The following GSDME variants were observed in gnomAD, a reference collection of about 807,000 sequenced individuals.
The protein encoded by GSDME is gasdermin E.
A neutral mutation model predicts 47.5 loss-of-function variants in GSDME; 44 were observed. That is an observed-to-expected ratio of 0.93 (90% confidence interval 0.73 to 1.19). GSDME has a LOEUF of 1.19. GSDME is among the 50% of genes most tolerant of loss of function. The pLI is 0.00. For missense variants in GSDME, 663 were observed against 604.2 expected, an observed-to-expected ratio of 1.10 and a Z score of -1.02; for synonymous variants, 258 against 252.8, an observed-to-expected ratio of 1.02 and a Z score of -0.20.
At chr7:24,787,033 A>G in the GSDME span, among the ~76,000 whole-genome samples, 1 of 152,042 alleles carries the variant, frequency 6.6e-6, no homozygotes, top group African/African-American at 2.4e-5. This position sits in a 1 kb window ranked among gnomAD's most constrained non-coding sequence, Gnocchi z 5.0. Context: ...CTTGGGCATG[A>G]TTTCCTTGGC....
chr7:24,747,405 T>C (rs1351685258), intron 2 of GSDME, among the ~76,000 whole-genome samples: 1 of 152,188 alleles, frequency 6.6e-6, no homozygotes, highest in African/African-American at 2.4e-5. Flanking sequence ...TTTTCCCCTT[T>C]AACAGAGACG....
At chr7:24,776,049 G>A in the GSDME span, among the ~76,000 whole-genome samples, 13 of 151,582 alleles carry the variant, frequency 8.6e-5, no homozygotes, top group Admixed American at 2.0e-4. Flanking sequence ...GCGTGGTAGC[G>A]GGAGCCTGTA....
chr7:24,794,368 T>C, the GSDME span, among the ~76,000 whole-genome samples: 1 of 152,106 alleles, frequency 6.6e-6, no homozygotes, highest in East Asian at 1.9e-4. Flanking sequence ...GCTGCTGTTC[T>C]CCTGTCTCCT....
At chr7:24,709,875 TC>T (rs1309752981) in intron 6 of GSDME, among the ~76,000 whole-genome samples, 2 of 152,044 alleles carry the variant, frequency 1.3e-5, no homozygotes, top group Non-Finnish European at 2.9e-5. Flanking sequence ...GGGTTCTCCA[TC>T]CTCGCGGCTG....
upstream of GSDME, chr7:24,757,724 C>G (rs1362323841): frequency 6.6e-6 from 1 of 152,298 alleles, no homozygotes; most frequent in East Asian, 1.9e-4. The surrounding 1 kb of genome is among the most constrained non-coding windows in gnomAD (Gnocchi z 5.9). Flanking sequence ...ATGTCGGGGC[C>G]TCTCGGGAAG....
intron 6 of GSDME, 53 bp from the exon 7 acceptor site, chr7:24,708,307 C>T (rs574349853): frequency 5.7e-5 from 91 of 1,608,758 alleles, no homozygotes; most frequent in South Asian, 3.9e-4. Flanking sequence ...CATCTCACGA[C>T]GTCGGACAGC....
At chr7:24,791,923 C>T in the GSDME span, among the ~76,000 whole-genome samples, 1 of 152,182 alleles carries the variant, frequency 6.6e-6, no homozygotes, top group African/African-American at 2.4e-5. This position sits in a 1 kb window ranked among gnomAD's most constrained non-coding sequence, Gnocchi z 4.8. Context: ...AGCTGGATGG[C>T]CCTCGGGGGC....
At chr7:24,740,630 CAT>C (rs886971304) in intron 3 of GSDME, among the ~76,000 whole-genome samples, 3 of 151,646 alleles carry the variant, frequency 2.0e-5, no homozygotes, top group African/African-American at 7.3e-5. Flanking sequence ...TAAAAAATGT[CAT>C]ATATCCCATA....
rs1333713242 is a variant in GSDME at position 24,705,970 on chromosome 7, G to T, written c.1183+214C>A. ...GGGAGAAGGGCCCTCCGGGAGAGTA[G>T]GGAGGCTTGTGCTGGATGGAAAGGC... On this transcript the variant is annotated intron_variant, in intron 8 of 9. Coordinates refer to ENST00000645220, the MANE Select transcript of GSDME (RefSeq NM_001127453.2). The surrounding 1 kb of genome is among the most constrained non-coding windows in gnomAD (Gnocchi z 4.1). 1 of 644,516 alleles carries T rather than the reference G, an allele frequency of 1.6e-6. No homozygotes were observed. Among genetic ancestry groups the T allele is most frequent in the Non-Finnish European group, 2.8e-6 (1 of 363,172 alleles). The allele number at this position is 644,516 out of a possible 1,614,324, so 39.9% of individuals were successfully genotyped here.
intron 8 of GSDME, chr7:24,704,548 TATAAATG>T (rs1260501130): frequency 6.6e-6 from 1 of 152,154 alleles, no homozygotes. Flanking sequence ...GGGACTGACA[TATAAATG>T]AGATCACAGT....
chr7:24,747,199 T>C (rs1270008457), intron 2 of GSDME, among the ~76,000 whole-genome samples: 4 of 152,230 alleles, frequency 2.6e-5, no homozygotes, highest in Non-Finnish European at 5.9e-5. Context: ...CATATTTAGT[T>C]ATTTCACCGT....
chr7:24,710,370 C>G lies in GSDME; in HGVS notation c.716G>C (p.Gly239Ala). Reference sequence around the variant, plus strand: ...CTTGTTCTCGAAGCCACCTTGCTTCCCTCGGAGAAGGCAGAACTCTGTAGT... The same window carrying G: ...CTTGTTCTCGAAGCCACCTTGCTTCGCTCGGAGAAGGCAGAACTCTGTAGT... Reference protein sequence around the residue: ...DGQFEFCLLRGKQGGFENKKR... With the variant: ...DGQFEFCLLRAKQGGFENKKR... The change falls in exon 6 of 10, where the codon GGG (glycine) becomes GCG (alanine). Residue 239 changes from glycine to alanine, a missense_variant. By Grantham distance (60) the Gly-to-Ala change is moderately conservative. Coordinates refer to ENST00000645220, the MANE Select transcript of GSDME (RefSeq NM_001127453.2). 6.2e-7 allele frequency: 1 copy of G among 1,614,184 alleles called. No homozygotes were observed. The highest frequency in any genetic ancestry group is 1.3e-5 in the African/African-American group (1 of 75,046).
chr7:24,749,372 G>T lies in GSDME; in HGVS notation c.211+192C>A, dbSNP rs1055195067. Among the ~76,000 whole-genome samples, 8 of 151,858 alleles carry T rather than the reference G, an allele frequency of 5.3e-5. No homozygotes were observed. The East Asian group carries it at 1.4e-3, about 26-fold the overall frequency. On this transcript the variant is annotated intron_variant, in intron 2 of 9. Transcript: ENST00000645220. ...CAAAAATTAGCTGGGCGTGGTGGTG[G>T]GTGCCTGTAATCCCAGCTACTCAGG...
chr7:24,793,179 T>C, the GSDME span, among the ~76,000 whole-genome samples: 2,543 of 152,346 alleles, frequency 0.017, 90 homozygotes, highest in African/African-American at 0.058. Context: ...TTAATAAAAC[T>C]TTGTAGACAT....
the GSDME span, among the ~76,000 whole-genome samples, chr7:24,765,554 GTTTCTGTACGTCACTCCCCT>G: frequency 1.3e-5 from 2 of 152,164 alleles, no homozygotes; most frequent in African/African-American, 4.8e-5. Context: ...CAAACCAACT[GTTTCTGTACGTCACTCCCCT>G]TTTCTGTACG....
chr7:24,743,108 A>G (rs1399717526), intron 3 of GSDME, among the ~76,000 whole-genome samples: 2 of 152,200 alleles, frequency 1.3e-5, no homozygotes, highest in African/African-American at 4.8e-5. Context: ...TCCAGTAAGC[A>G]TGGGCAGTTA....
intron 8 of GSDME, chr7:24,703,886 G>C (rs1788987089): frequency 6.6e-6 from 1 of 152,234 alleles, no homozygotes; most frequent in Non-Finnish European, 1.5e-5. Context: ...ATGTGGCCTA[G>C]CGTATCCAGC....
the GSDME span, among the ~76,000 whole-genome samples, chr7:24,794,312 CCCTTT>C: frequency 6.7e-6 from 1 of 149,330 alleles, no homozygotes; most frequent in African/African-American, 2.5e-5. Context: ...CTCTCTCTCT[CCCTTT>C]TCTCTCTGCT....
intron 8 of GSDME, chr7:24,703,586 G>C (rs4719777): frequency 0.33 from 51,202 of 153,810 alleles, 8,909 homozygotes; most frequent in East Asian, 0.63. Context: ...AATGAGTCAC[G>C]TGCTGAATCA....
Sources: gnomAD v4.1 joint callset for allele counts (sites outside exome capture counted in the v4.1 genomes callset) on GRCh38, gnomAD v4.1.1 for gene constraint, Gnocchi (gnomAD v3.1) non-coding constraint, MANE v1.5 for transcripts, NCBI Gene and HGNC (gene_info 2026-07-23, HGNC 2026-07-21) for gene names.